MDGA2: variants seen among roughly 807,000 people sequenced by gnomAD.
MDGA2 encodes the protein MAM domain-containing glycosylphosphatidylinositol anchor protein 2.
A neutral mutation model predicts 117.8 loss-of-function variants in MDGA2; 40 were observed. The observed-to-expected ratio is 0.34, with a 90% CI of 0.26 to 0.44. The LOEUF is 0.44. Ranked by LOEUF, MDGA2 falls within the 20% of genes least tolerant of loss-of-function variation. The pLI is 1.00. For synonymous variants in MDGA2, 452 were observed against 439.0 expected (o/e 1.03, Z -0.37); for missense variants, 1,123 against 1,250.6 (o/e 0.90, Z 1.54).
chr14:46,986,630 T>A (rs747127171), intron 8 of MDGA2, among the ~76,000 whole-genome samples: 4 of 152,128 alleles, frequency 2.6e-5, no homozygotes, highest in Non-Finnish European at 5.9e-5. Context: ...GATAAATGTC[T>A]TAAGGAAATT....
intron 9 of MDGA2, among the ~76,000 whole-genome samples, chr14:46,935,996 C>T (rs1272595870): frequency 9.1e-6 from 1 of 110,150 alleles, no homozygotes; most frequent in African/African-American, 4.3e-5. Context: ...GAAAAATGAA[C>T]ATAATAATAC....
chr14:47,043,814 T>C (rs1233363922), intron 7 of MDGA2, among the ~76,000 whole-genome samples: 1 of 152,114 alleles, frequency 6.6e-6, no homozygotes, highest in Non-Finnish European at 1.5e-5. Context: ...CTTTCTTCTC[T>C]TCAGGAATGA....
chr14:47,393,624 T>A (rs1457276317), intron 1 of MDGA2, among the ~76,000 whole-genome samples: 1 of 152,114 alleles, frequency 6.6e-6, no homozygotes, highest in African/African-American at 2.4e-5. Context: ...GGTTTTTGAT[T>A]TGCTATTTCA....
chr14:46,907,488 T>C (rs573085160), intron 10 of MDGA2, among the ~76,000 whole-genome samples: 1 of 152,352 alleles, frequency 6.6e-6, no homozygotes, highest in African/African-American at 2.4e-5. Flanking sequence ...GTTCTCATAA[T>C]ATACCACTGT....
intron 4 of MDGA2, among the ~76,000 whole-genome samples, chr14:47,140,392 A>G (rs1296359390): frequency 6.6e-6 from 1 of 152,074 alleles, no homozygotes; most frequent in Non-Finnish European, 1.5e-5. Context: ...TTGAGCAAAA[A>G]CAACAAAGTT....
chr14:47,470,585 T>G (rs1199910408), intron 1 of MDGA2, among the ~76,000 whole-genome samples: 1 of 152,180 alleles, frequency 6.6e-6, no homozygotes, highest in East Asian at 1.9e-4. Context: ...TATGTGTGCA[T>G]GTGTCTTTAT....
chr14:47,495,054 C>T (rs1357285461), intron 1 of MDGA2, among the ~76,000 whole-genome samples: 1 of 151,632 alleles, frequency 6.6e-6, no homozygotes, highest in Non-Finnish European at 1.5e-5. Context: ...TGGGTATATA[C>T]ACACATACAT....
intron 1 of MDGA2, among the ~76,000 whole-genome samples, chr14:47,496,050 A>G (rs555871282): frequency 1.3e-5 from 2 of 152,240 alleles, no homozygotes; most frequent in Admixed American, 6.5e-5. Context: ...CATACTTAGT[A>G]CATTTAATAA....
intron 1 of MDGA2, among the ~76,000 whole-genome samples, chr14:47,670,127 C>T (rs975689777): frequency 2.0e-5 from 3 of 152,134 alleles, no homozygotes; most frequent in African/African-American, 7.2e-5. Context: ...CTGATATTAC[C>T]TGAATTGAGT....
intron 1 of MDGA2, among the ~76,000 whole-genome samples, chr14:47,610,347 C>A (rs1179958850): frequency 6.6e-6 from 1 of 151,848 alleles, no homozygotes; most frequent in Non-Finnish European, 1.5e-5. Context: ...GTAAGGGCAT[C>A]CAAACTGGTA....
At chr14:47,632,572 G>T (rs1897260149) in intron 1 of MDGA2, among the ~76,000 whole-genome samples, 1 of 152,096 alleles carries the variant, frequency 6.6e-6, no homozygotes, top group Admixed American at 6.5e-5. Flanking sequence ...TCAGAATAAA[G>T]TTCAAACTTG....
chr14:47,575,061 T>C (rs1479679004), intron 1 of MDGA2, among the ~76,000 whole-genome samples: 2 of 152,214 alleles, frequency 1.3e-5, no homozygotes, highest in Non-Finnish European at 2.9e-5. Context: ...GGAACACCCA[T>C]GGCTTATTTT....
At chr14:47,115,522 A>C (rs1881280223) in intron 5 of MDGA2, among the ~76,000 whole-genome samples, 1 of 152,018 alleles carries the variant, frequency 6.6e-6, no homozygotes, top group Non-Finnish European at 1.5e-5. Context: ...TTTTATTTCT[A>C]TGTTTATATT....
At chr14:46,989,093 A>C (rs1886979674) in intron 8 of MDGA2, among the ~76,000 whole-genome samples, 1 of 152,088 alleles carries the variant, frequency 6.6e-6, no homozygotes, top group Non-Finnish European at 1.5e-5. Flanking sequence ...TACTCATTAC[A>C]TGCACTCATA....
intron 8 of MDGA2, among the ~76,000 whole-genome samples, chr14:47,028,146 C>T (rs1387098450): frequency 6.6e-6 from 1 of 152,086 alleles, no homozygotes; most frequent in Non-Finnish European, 1.5e-5. Flanking sequence ...TCAAAGCTCT[C>T]TTCGAAGTCA....
At chr14:47,485,542 G>A (rs1026303435) in intron 1 of MDGA2, among the ~76,000 whole-genome samples, 4 of 152,142 alleles carry the variant, frequency 2.6e-5, no homozygotes, top group South Asian at 2.1e-4. Context: ...AAGTAAGGAG[G>A]AGCCAAATGT....
chr14:47,541,108 C>A (rs1033221982), intron 1 of MDGA2, among the ~76,000 whole-genome samples: 1 of 152,044 alleles, frequency 6.6e-6, no homozygotes, highest in Non-Finnish European at 1.5e-5. Context: ...ATGACTGAAG[C>A]AGGCTGGGGT....
intron 1 of MDGA2, chr14:47,343,133 A>C: frequency 8.3e-7 from 1 of 1,208,968 alleles, no homozygotes; most frequent in Non-Finnish European, 1.1e-6. Context: ...CACAATAATG[A>C]AACAGCTGAG....
rs71112472 is a variant in MDGA2 at position 46,938,540 on chromosome 14, C to CAAAAAAAAAAAAAAAAAAAAAAAAAA, written c.2090-18381_2090-18380insTTTTTTTTTTTTTTTTTTTTTTTTTT. On this transcript the variant is annotated intron_variant, in intron 9 of 16. Coordinates refer to ENST00000399232, the MANE Select transcript of MDGA2 (RefSeq NM_001113498.3). The stretch of plus-strand genomic sequence containing the variant: ...GGGCAACAAGAACGAAAATCCATCT[C>CAAAAAAAAAAAAAAAAAAAAAAAAAA]AAAAAAAAAAAAAAAAAAAAGAGAC... Among the ~76,000 whole-genome samples, 84 of 26,962 alleles carry CAAAAAAAAAAAAAAAAAAAAAAAAAA rather than the reference C, an allele frequency of 3.1e-3. 7 individuals carry two copies. Among genetic ancestry groups the CAAAAAAAAAAAAAAAAAAAAAAAAAA allele is most frequent in the Middle Eastern group, 0.019 (1 of 52 alleles). 17.7% of individuals were successfully genotyped at this position (26,962 alleles called of 152,430 possible). A position where few individuals can be genotyped will look rare whatever the true frequency, so the allele number is the denominator to read the frequency against.
Sources: gnomAD v4.1 joint callset for allele counts (sites outside exome capture counted in the v4.1 genomes callset) on GRCh38, gnomAD v4.1.1 for gene constraint, MANE v1.5 for transcripts, NCBI Gene and HGNC (gene_info 2026-07-23, HGNC 2026-07-21) for gene names.